The following KLF7 variants were observed in gnomAD, a reference collection of about 807,000 sequenced individuals.
KLF7 encodes the protein KLF transcription factor 7, also known as Krueppel-like factor 7.
In KLF7, 2 loss-of-function variants were observed where a neutral mutation model predicts 27.3. The observed-to-expected ratio is 0.07, with a 90% CI of 0.03 to 0.23. The LOEUF is 0.23. KLF7 is among the 10% of genes least tolerant of loss of function. KLF7 has a pLI of 1.00. For missense variants in KLF7, 221 were observed against 394.1 expected (o/e 0.56, Z 3.72); for synonymous variants, 165 against 162.4 (o/e 1.02, Z -0.12).
chr2:207,165,187 A>C (rs956350417), intron 1 of KLF7, among the ~76,000 whole-genome samples: 3 of 152,062 alleles, frequency 2.0e-5, no homozygotes, highest in Non-Finnish European at 4.4e-5. Context: ...CTGATAGGGG[A>C]CAGCAAACCC....
At chr2:207,107,172 T>A (rs757616670) in intron 2 of KLF7, among the ~76,000 whole-genome samples, 1 of 152,122 alleles carries the variant, frequency 6.6e-6, no homozygotes, top group African/African-American at 2.4e-5. Flanking sequence ...GGTGAAAGCA[T>A]GACAAATCTC....
chr2:207,086,385 T>C lies in KLF7; in HGVS notation c.857+2073A>G, dbSNP rs185302213. On this transcript the variant is annotated intron_variant, in intron 3 of 3. Transcript: ENST00000309446. Reference sequence around the variant, plus strand: ...TGAAACGCCAAGGTGCTGCCTGTCATGAGACACTAATGGGAATACAAACTC... The same window carrying C: ...TGAAACGCCAAGGTGCTGCCTGTCACGAGACACTAATGGGAATACAAACTC... Among the ~76,000 whole-genome samples, 383 of 152,344 alleles carry C rather than the reference T, an allele frequency of 2.5e-3. 2 individuals are homozygous for C. Among genetic ancestry groups the C allele is most frequent in the African/African-American group, 8.8e-3 (368 of 41,590 alleles).
chr2:207,119,158 C>T (rs1318959871), intron 2 of KLF7, among the ~76,000 whole-genome samples: 4 of 152,194 alleles, frequency 2.6e-5, no homozygotes, highest in African/African-American at 7.2e-5. Flanking sequence ...CCAAGCAGCA[C>T]GTTCAGAGAA....
chr2:207,085,211 T>C (rs1177271512), intron 3 of KLF7, among the ~76,000 whole-genome samples: 1 of 114,876 alleles, frequency 8.7e-6, no homozygotes, highest in African/African-American at 3.3e-5. Flanking sequence ...TAACGTCACA[T>C]AGGGATTAAG....
chr2:207,128,089 G>C (rs2077529964), intron 1 of KLF7, among the ~76,000 whole-genome samples: 1 of 152,092 alleles, frequency 6.6e-6, no homozygotes, highest in Non-Finnish European at 1.5e-5. Context: ...AAGGGAACCA[G>C]GACTCCCTAG....
chr2:207,095,425 G>A (rs1243541829), intron 2 of KLF7, among the ~76,000 whole-genome samples: 1 of 152,158 alleles, frequency 6.6e-6, no homozygotes, highest in Non-Finnish European at 1.5e-5. Context: ...TAAAATGTTT[G>A]TTCAAAAATC....
At chr2:207,144,055 A>G (rs1199234478) in intron 1 of KLF7, among the ~76,000 whole-genome samples, 1 of 137,600 alleles carries the variant, frequency 7.3e-6, no homozygotes, top group East Asian at 2.2e-4. Context: ...GCTTCATTAG[A>G]GTCTTAACTC....
intron 2 of KLF7, among the ~76,000 whole-genome samples, chr2:207,115,615 A>G (rs114617889): frequency 0.05 from 7,640 of 152,326 alleles, 264 homozygotes; most frequent in Middle Eastern, 0.088. Context: ...TCAATACATT[A>G]ACAAATTGTT....
At chr2:207,145,329 A>G (rs2078070062) in intron 1 of KLF7, among the ~76,000 whole-genome samples, 1 of 152,244 alleles carries the variant, frequency 6.6e-6, no homozygotes, top group Non-Finnish European at 1.5e-5. Flanking sequence ...ACTAAGAAAG[A>G]AGTTGAGAGT....
chr2:207,092,154 CTATGCTG>C (rs530022368), intron 2 of KLF7, among the ~76,000 whole-genome samples: 20 of 152,348 alleles, frequency 1.3e-4, no homozygotes, highest in African/African-American at 4.8e-4. Flanking sequence ...TTGCACAACA[CTATGCTG>C]TATCGCACTT....
chr2:207,113,394 C>T (rs765137888), intron 2 of KLF7, among the ~76,000 whole-genome samples: 31 of 152,180 alleles, frequency 2.0e-4, no homozygotes, highest in African/African-American at 5.8e-4. Flanking sequence ...GTTGAGAAGG[C>T]AGGATGAGGG....
intron 1 of KLF7, among the ~76,000 whole-genome samples, chr2:207,125,664 G>T (rs1227373957): frequency 1.3e-4 from 20 of 152,152 alleles, no homozygotes; most frequent in Admixed American, 1.2e-3. Context: ...CTGCATTACT[G>T]AATAAGAAAA....
At chr2:207,163,316 G>A (rs1252958949) in intron 1 of KLF7, among the ~76,000 whole-genome samples, 1 of 152,158 alleles carries the variant, frequency 6.6e-6, no homozygotes, top group Admixed American at 6.5e-5. Flanking sequence ...CAGTTGGAGA[G>A]GGTTAAGGCA....
intron 2 of KLF7, among the ~76,000 whole-genome samples, chr2:207,114,568 TTTC>T (rs2077126706): frequency 6.6e-6 from 1 of 152,256 alleles, no homozygotes; most frequent in Admixed American, 6.5e-5. Context: ...AGTCAAGCTT[TTTC>T]TTGGTTCTAT....
chr2:207,088,559 T>G lies in KLF7; in HGVS notation c.756A>C (p.Ser252=). ...THTGEKPYKC[S]WEGCEWRFAR... The stretch of plus-strand genomic sequence containing the variant: ...CAAAACGCCACTCACATCCCTCCCA[T>G]GAGCACTTATAAGGCTTCTCACCTG... The change falls in exon 3 of 4, where the codon TCA becomes TCC. Residue 252 remains serine (S), a synonymous_variant. Coordinates refer to ENST00000309446, the MANE Select transcript of KLF7 (RefSeq NM_003709.4). 6.2e-7 allele frequency: 1 copy of G among 1,613,948 alleles called. No individual in the cohort carries two copies. Among genetic ancestry groups the G allele is most frequent in the South Asian group, 1.1e-5 (1 of 91,074 alleles).
At chr2:207,130,589 G>A (rs542250840) in intron 1 of KLF7, among the ~76,000 whole-genome samples, 13 of 152,278 alleles carry the variant, frequency 8.5e-5, no homozygotes, top group Admixed American at 3.9e-4. Context: ...AGCTAGAATC[G>A]TCTCACAACT....
chr2:207,156,894 AC>A (rs1241829937), intron 1 of KLF7, among the ~76,000 whole-genome samples: 1 of 151,934 alleles, frequency 6.6e-6, no homozygotes, highest in African/African-American at 2.4e-5. Context: ...ATATCATTAA[AC>A]CCTCTATACA....
chr2:207,082,873 A>G lies in KLF7; in HGVS notation c.858-1609T>C, dbSNP rs1372927029. On this transcript the variant is annotated intron_variant, in intron 3 of 3. Coordinates refer to ENST00000309446, the MANE Select transcript of KLF7 (RefSeq NM_003709.4). The stretch of plus-strand genomic sequence containing the variant: ...ATCCACCCTTTCCCTTGACCGCAAC[A>G]TTCTCCACACCCCCTGTTTGTGTCC... Among the ~76,000 whole-genome samples, 6 of 152,212 alleles carry G rather than the reference A, an allele frequency of 3.9e-5. No individual in the cohort carries two copies. In the East Asian group the frequency reaches 1.2e-3, roughly 29 times the overall value.
intron 1 of KLF7, among the ~76,000 whole-genome samples, chr2:207,139,889 T>C (rs534030595): frequency 6.6e-6 from 1 of 152,316 alleles, no homozygotes; most frequent in East Asian, 1.9e-4. Flanking sequence ...GATCTTTTTT[T>C]TCTTTTCTGA....
Sources: gnomAD v4.1 joint callset for allele counts (sites outside exome capture counted in the v4.1 genomes callset) on GRCh38, gnomAD v4.1.1 for gene constraint, MANE v1.5 for transcripts, NCBI Gene and HGNC (gene_info 2026-07-23, HGNC 2026-07-21) for gene names.